Variants in MACROD2 observed in about 807,000 individuals in gnomAD.
The protein encoded by MACROD2 is mono-ADP ribosylhydrolase 2, also known as ADP-ribose glycohydrolase MACROD2.
MACROD2 carries 36 observed loss-of-function variants against 70.4 expected under a neutral mutation model. The observed-to-expected ratio is 0.51, with a 90% CI of 0.39 to 0.68. The LOEUF is 0.68. MACROD2 is among the 30% of genes least tolerant of loss of function. MACROD2 has a pLI of 0.00. For synonymous variants in MACROD2, 172 were observed against 178.8 expected, an observed-to-expected ratio of 0.96 and a Z score of 0.30; for missense variants, 496 against 538.4, an observed-to-expected ratio of 0.92 and a Z score of 0.78.
At chr20:15,762,008 T>C (rs2051443736) in intron 8 of MACROD2, among the ~76,000 whole-genome samples, 1 of 152,188 alleles carries the variant, frequency 6.6e-6, no homozygotes, top group South Asian at 2.1e-4. Flanking sequence ...TTGTTTTCTT[T>C]GGGTAATTTT....
intron 3 of MACROD2, among the ~76,000 whole-genome samples, chr20:14,097,865 T>C (rs957945695): frequency 6.6e-6 from 1 of 152,240 alleles, no homozygotes; most frequent in Admixed American, 6.5e-5. Flanking sequence ...AGAATACTTT[T>C]GTGCAATAAA....
At chr20:14,014,776 C>T (rs1259355397) in intron 2 of MACROD2, among the ~76,000 whole-genome samples, 7 of 151,828 alleles carry the variant, frequency 4.6e-5, no homozygotes, top group Admixed American at 4.6e-4. Flanking sequence ...CTTGATTAAT[C>T]TTTACTTGCT....
chr20:14,707,139 A>G (rs2071279188), intron 5 of MACROD2, among the ~76,000 whole-genome samples: 2 of 152,082 alleles, frequency 1.3e-5, no homozygotes, highest in Non-Finnish European at 1.5e-5. Context: ...ACTTTGCAGA[A>G]TTGAGTGTAA....
intron 4 of MACROD2, among the ~76,000 whole-genome samples, chr20:14,669,502 A>G (rs1045819926): frequency 6.6e-6 from 1 of 152,162 alleles, no homozygotes; most frequent in African/African-American, 2.4e-5. Flanking sequence ...AAAATGACAT[A>G]TTTACTTCTT....
intron 4 of MACROD2, among the ~76,000 whole-genome samples, chr20:14,626,695 T>C (rs1203018916): frequency 1.3e-5 from 2 of 152,148 alleles, no homozygotes; most frequent in African/African-American, 2.4e-5. Context: ...TAATCCATAC[T>C]GGCAAGGGTA....
chr20:14,866,618 A>G (rs756805053), intron 5 of MACROD2, among the ~76,000 whole-genome samples: 3 of 152,140 alleles, frequency 2.0e-5, no homozygotes, highest in Admixed American at 6.6e-5. Flanking sequence ...TTAATCTACA[A>G]TGCTGCAGAG....
At chr20:14,798,743 G>A (rs1489183341) in intron 5 of MACROD2, among the ~76,000 whole-genome samples, 2 of 151,910 alleles carry the variant, frequency 1.3e-5, no homozygotes, top group Admixed American at 1.3e-4. Context: ...TATAAATACA[G>A]CCACATAAAC....
At chr20:15,538,060 C>A (rs1049642588) in intron 8 of MACROD2, among the ~76,000 whole-genome samples, 1 of 152,076 alleles carries the variant, frequency 6.6e-6, no homozygotes, top group Non-Finnish European at 1.5e-5. Context: ...AGAAAAATAA[C>A]CCTTGTAAGT....
chr20:15,439,735 G>A (rs2046471825), intron 7 of MACROD2, among the ~76,000 whole-genome samples: 1 of 152,176 alleles, frequency 6.6e-6, no homozygotes, highest in Non-Finnish European at 1.5e-5. Context: ...CATTCAGTGA[G>A]CACTGTTGCT....
At chr20:14,129,295 G>T (rs1255882636) in intron 3 of MACROD2, among the ~76,000 whole-genome samples, 1 of 152,174 alleles carries the variant, frequency 6.6e-6, no homozygotes, top group Non-Finnish European at 1.5e-5. Flanking sequence ...CAAGTTCAAG[G>T]CTTCAGTGGA....
chr20:14,270,365 G>A (rs1310805225), intron 3 of MACROD2, among the ~76,000 whole-genome samples: 1 of 152,120 alleles, frequency 6.6e-6, no homozygotes, highest in Non-Finnish European at 1.5e-5. Context: ...GCTGAGGTGG[G>A]CGGATCACGA....
chr20:15,340,858 G>T (rs2078103798), intron 6 of MACROD2, among the ~76,000 whole-genome samples: 1 of 151,528 alleles, frequency 6.6e-6, no homozygotes, highest in South Asian at 2.1e-4. Context: ...ATTTATATAT[G>T]GTAAATTTTT....
intron 5 of MACROD2, among the ~76,000 whole-genome samples, chr20:14,914,236 T>C (rs1208224148): frequency 1.3e-5 from 2 of 152,068 alleles, no homozygotes; most frequent in Non-Finnish European, 2.9e-5. Flanking sequence ...TGACACAGAG[T>C]GGAGGACAGC....
At chr20:15,414,029 C>A (rs1234397696) in intron 6 of MACROD2, among the ~76,000 whole-genome samples, 1 of 152,080 alleles carries the variant, frequency 6.6e-6, no homozygotes, top group Non-Finnish European at 1.5e-5. Context: ...ATTGGAGGCA[C>A]CATAGAGCAG....
Position 14,659,871 on chromosome 20 carries a change from C to CTTTATGTT in MACROD2, c.302-24966_302-24959dup, listed in dbSNP as rs562923340. Among the ~76,000 whole-genome samples the CTTTATGTT allele has an allele frequency of 4.3e-3, 651 of 152,264 alleles. 3 individuals carry two copies. The highest frequency in any genetic ancestry group is 0.015 in the African/African-American group (615 of 41,558). ...TCTAATAACCTTCTAAACGTTGTTG[C>CTTTATGTT]TTTATGTTTTTATCTCAGATTTTTG... is the stretch of plus-strand genomic sequence containing the variant. On this transcript the variant is annotated intron_variant, in intron 4 of 17. Coordinates refer to ENST00000684519, the MANE Select transcript of MACROD2 (RefSeq NM_001351661.2).
At chr20:15,672,002 GTAACC>G (rs1271146389) in intron 8 of MACROD2, among the ~76,000 whole-genome samples, 1 of 152,288 alleles carries the variant, frequency 6.6e-6, no homozygotes, top group East Asian at 1.9e-4. Flanking sequence ...AGACTGGTTA[GTAACC>G]TGAGTCTCTG....
chr20:14,015,404 A>T (rs1601115109), intron 2 of MACROD2, among the ~76,000 whole-genome samples: 1 of 152,242 alleles, frequency 6.6e-6, no homozygotes, highest in South Asian at 2.1e-4. Context: ...CAACATAGTG[A>T]GACTTCATCT....
chr20:15,422,196 G>A (rs1016265983), intron 6 of MACROD2, among the ~76,000 whole-genome samples: 1 of 152,100 alleles, frequency 6.6e-6, no homozygotes, highest in Admixed American at 6.5e-5. Flanking sequence ...GTGATTACAG[G>A]GTTGAGTTGA....
chr20:15,939,972 G>A (rs1315833177), intron 12 of MACROD2, among the ~76,000 whole-genome samples: 1 of 152,098 alleles, frequency 6.6e-6, no homozygotes, highest in East Asian at 1.9e-4. Context: ...TAACTGAACT[G>A]TAATCTCATG....
Sources: gnomAD v4.1 joint callset for allele counts (sites outside exome capture counted in the v4.1 genomes callset) on GRCh38, gnomAD v4.1.1 for gene constraint, MANE v1.5 for transcripts, NCBI Gene and HGNC (gene_info 2026-07-23, HGNC 2026-07-21) for gene names.